The following ZNF627 variants were observed in gnomAD, a reference collection of about 807,000 sequenced individuals.
ZNF627 encodes zinc finger protein 627.
A neutral mutation model predicts 10.6 loss-of-function variants in ZNF627; 12 were observed. The ratio of observed to expected loss-of-function variants is 1.13; its 90% CI spans 0.73 to 1.84. The LOEUF (loss-of-function observed/expected upper bound fraction) is 1.84, where lower values mean the gene tolerates loss of function less well. Among genes scored for constraint, ZNF627 ranks in the 40% most tolerant of loss-of-function variants. The pLI is 0.00. For missense variants in ZNF627, 504 were observed against 568.4 expected (o/e 0.89, Z 1.15); for synonymous variants, 176 against 187.1 (o/e 0.94, Z 0.48).
At chr19:11,605,080 CTTTT>C (rs1006143184) in intron 1 of ZNF627, among the ~76,000 whole-genome samples, 4 of 105,910 alleles carry the variant, frequency 3.8e-5, no homozygotes, top group East Asian at 2.7e-4. Context: ...TTCTTTCTTT[CTTTT>C]TTTTTTTTTT....
chr19:11,605,460 T>C (rs759431866), intron 1 of ZNF627, among the ~76,000 whole-genome samples: 6 of 152,010 alleles, frequency 3.9e-5, no homozygotes, highest in Non-Finnish European at 7.4e-5. Flanking sequence ...TCAGTATGGC[T>C]GGGGAGGCCT....
intron 1 of ZNF627, among the ~76,000 whole-genome samples, chr19:11,611,754 T>C (rs1973775121): frequency 6.6e-6 from 1 of 152,166 alleles, no homozygotes; most frequent in Non-Finnish European, 1.5e-5. Context: ...AGCAGACTGG[T>C]TAACATCAGG....
At position 11,617,695 on chromosome 19, in the gene ZNF627, A is replaced by G. The variant is rs1013023363; in HGVS notation, c.1192A>G (p.Lys398Glu). ...EKPYKCTKCG[K>E]AFSRSSYFRI... is the part of the protein sequence containing the mutation. ...ACCCTATAAATGTACAAAATGTGGG[A>G]AAGCCTTCAGTCGTTCCAGTTACTT... The change falls in exon 4 of 4, where the codon AAA becomes GAA. Residue 398 changes from lysine to glutamate, a missense_variant. By Grantham distance (56) the Lys-to-Glu change is moderately conservative (BLOSUM62 1). Transcript: ENST00000361113. 3 of 1,612,958 alleles carry G rather than the reference A, an allele frequency of 1.9e-6. No homozygotes were observed. Among genetic ancestry groups the G allele is most frequent in the African/African-American group, 1.3e-5 (1 of 74,846 alleles).
intron 1 of ZNF627, among the ~76,000 whole-genome samples, chr19:11,610,175 T>C (rs1417116936): frequency 2.0e-5 from 3 of 151,916 alleles, no homozygotes; most frequent in African/African-American, 7.3e-5. Flanking sequence ...AATTCAAGTC[T>C]TTTGAATTCT....
intron 1 of ZNF627, among the ~76,000 whole-genome samples, chr19:11,609,470 T>TA (rs1270452629): frequency 4.9e-4 from 15 of 30,480 alleles, no homozygotes; most frequent in Middle Eastern, 0.012. Flanking sequence ...TTTAAAAAAT[T>TA]TTATATATAT....
rs762906098 is a variant in ZNF627, at chr19:11,617,917, C to G, written c.*28C>G. The G allele has an allele frequency of 6.7e-7, 1 of 1,491,040 alleles. No individual in the cohort carries two copies. The highest frequency in any genetic ancestry group is 8.9e-7 in the Non-Finnish European group (1 of 1,127,624). 92.4% of individuals were successfully genotyped at this position (1,491,040 alleles called of 1,614,324 possible). A position where few individuals can be genotyped will look rare whatever the true frequency, so the allele number is the denominator to read the frequency against. On this transcript the variant is annotated 3_prime_UTR_variant, in exon 4 of 4. Coordinates refer to ENST00000361113, the MANE Select transcript of ZNF627 (RefSeq NM_145295.4). ...ATGAAAGGAGTCACATAGAGAAACC[C>G]CATGAAAGTAAGAAATTTGGGAAAG...
chr19:11,599,021 T>TA (rs1204196391), intron 1 of ZNF627, among the ~76,000 whole-genome samples: 2 of 151,510 alleles, frequency 1.3e-5, no homozygotes, highest in African/African-American at 2.4e-5. Context: ...GACCCTAAAA[T>TA]AAAAAAAACA....
At chr19:11,610,574 G>C (rs1194080796) in intron 1 of ZNF627, among the ~76,000 whole-genome samples, 1 of 152,088 alleles carries the variant, frequency 6.6e-6, no homozygotes, top group Admixed American at 6.6e-5. Flanking sequence ...CTGCACTCCA[G>C]CCTGGGTGAC....
intron 1 of ZNF627, among the ~76,000 whole-genome samples, chr19:11,614,156 G>A (rs887510171): frequency 3.9e-5 from 6 of 152,080 alleles, no homozygotes; most frequent in Middle Eastern, 3.4e-3. Context: ...TCTTGACCTC[G>A]TGATCCACCC....
At chr19:11,604,099 A>G (rs944248159) in intron 1 of ZNF627, 1 of 152,098 alleles carries the variant, frequency 6.6e-6, no homozygotes, top group Non-Finnish European at 1.5e-5. Flanking sequence ...TATATATCAT[A>G]TAATTGATGA....
At chr19:11,605,080 CTTTTTTTTTTTT>C (rs1006143184) in intron 1 of ZNF627, among the ~76,000 whole-genome samples, 10 of 105,912 alleles carry the variant, frequency 9.4e-5, no homozygotes, top group African/African-American at 3.7e-4. Context: ...TTCTTTCTTT[CTTTTTTTTTTTT>C]TTTTTTTTTG....
intron 1 of ZNF627, among the ~76,000 whole-genome samples, chr19:11,603,819 T>C (rs1487230330): frequency 1.3e-5 from 2 of 152,104 alleles, no homozygotes; most frequent in Non-Finnish European, 2.9e-5. Context: ...CTTTTCTTTT[T>C]TTTTAAGAGA....
In ZNF627 at chr19:11,618,111, T is replaced by G. The variant is rs2145145524; in HGVS notation, c.*222T>G. ...ATGTCAGTGTTGGTAGGTTAGGAACTAGATTTCCCAGAATCCATTCCATTT... is the reference window on the plus strand; with the variant it reads ...ATGTCAGTGTTGGTAGGTTAGGAACGAGATTTCCCAGAATCCATTCCATTT... On this transcript the variant is annotated 3_prime_UTR_variant, in exon 4 of 4. Coordinates refer to ENST00000361113, the MANE Select transcript of ZNF627 (RefSeq NM_145295.4). 4.4e-6 allele frequency: 2 copies of G among 450,070 alleles called. No individual in the cohort carries two copies. The highest frequency in any genetic ancestry group is 7.7e-5 in the Admixed American group (2 of 26,086). 27.9% of individuals were successfully genotyped at this position (450,070 alleles called of 1,614,324 possible).
At position 11,617,677 on chromosome 19, in the gene ZNF627, A is replaced by G. The variant is rs1973900700; in HGVS notation, c.1174A>G (p.Lys392Glu). ...AATTCACACTGGAGAGAAACCCTATAAATGTACAAAATGTGGGAAAGCCTT... is the reference window on the plus strand; with the variant it reads ...AATTCACACTGGAGAGAAACCCTATGAATGTACAAAATGTGGGAAAGCCTT... Reference protein sequence around the residue: ...ERIHTGEKPYKCTKCGKAFSR... With the variant: ...ERIHTGEKPYECTKCGKAFSR... The change falls in exon 4 of 4, where the codon AAA becomes GAA. Residue 392 changes from lysine (K) to glutamate (E), a missense_variant. Physicochemically the swap from Lys to Glu is moderately conservative, Grantham distance 56. Transcript: ENST00000361113. 2 of 1,611,874 alleles carry G rather than the reference A, an allele frequency of 1.2e-6. No homozygotes were observed. The highest frequency in any genetic ancestry group is 1.7e-4 in the Middle Eastern group (1 of 6,056).
At chr19:11,608,578 T>C (rs1437070871) in intron 1 of ZNF627, among the ~76,000 whole-genome samples, 1 of 152,232 alleles carries the variant, frequency 6.6e-6, no homozygotes, top group Non-Finnish European at 1.5e-5. Flanking sequence ...GTGTAAAATC[T>C]GTGTCCCTAA....
chr19:11,615,029 C>T, intron 3 of ZNF627, 142 bp downstream of exon 3: 1 of 637,264 alleles, frequency 1.6e-6, no homozygotes, highest in East Asian at 3.1e-5. Flanking sequence ...TCACTGCAAC[C>T]TCCGCCTCCC....
intron 1 of ZNF627, among the ~76,000 whole-genome samples, chr19:11,610,955 C>T (rs1394662988): frequency 6.6e-6 from 1 of 151,666 alleles, no homozygotes; most frequent in Admixed American, 6.6e-5. Context: ...TGGGTTCAAG[C>T]GATTCTCCTG....
chr19:11,602,720 G>A (rs973239131), intron 1 of ZNF627, among the ~76,000 whole-genome samples: 16 of 152,302 alleles, frequency 1.1e-4, no homozygotes, highest in South Asian at 8.3e-4. Context: ...TGGAGATTTG[G>A]TTGTGTTCAG....
chr19:11,612,836 G>A (rs538277592), intron 1 of ZNF627, among the ~76,000 whole-genome samples: 27 of 151,260 alleles, frequency 1.8e-4, no homozygotes, highest in African/African-American at 6.6e-4. Context: ...GGTAAATTGC[G>A]TGTTACTGGG....
Sources: allele counts gnomAD v4.1 joint callset (sites outside exome capture counted in the v4.1 genomes callset), GRCh38; gene constraint gnomAD v4.1.1; transcripts MANE v1.5; gene names NCBI Gene and HGNC (gene_info 2026-07-23, HGNC 2026-07-21).